PITPNM2: variants seen among roughly 807,000 people sequenced by gnomAD.
The protein encoded by PITPNM2 is membrane-associated phosphatidylinositol transfer protein 2.
A neutral mutation model predicts 132.2 loss-of-function variants in PITPNM2; 35 were observed. That is an observed-to-expected ratio of 0.26 (90% confidence interval 0.20 to 0.35). The LOEUF (loss-of-function observed/expected upper bound fraction) is 0.35. Among genes scored for constraint, PITPNM2 ranks in the 10% least tolerant of loss-of-function variants. The pLI is 1.00. For synonymous variants in PITPNM2, 738 were observed against 799.2 expected (o/e 0.92, Z 1.29); for missense variants, 1,332 against 1,912.0 (o/e 0.70, Z 5.66).
chr12:123,035,555 A>G (rs1392452998), intron 2 of PITPNM2, among the ~76,000 whole-genome samples: 1 of 151,990 alleles, frequency 6.6e-6, no homozygotes, highest in Non-Finnish European at 1.5e-5. Context: ...GGTCCCAACT[A>G]CTTGGGAGGC....
chr12:123,014,796 A>G (rs2039359577), intron 3 of PITPNM2, among the ~76,000 whole-genome samples: 1 of 152,250 alleles, frequency 6.6e-6, no homozygotes, highest in Admixed American at 6.5e-5. Context: ...TCCTGATGCC[A>G]TAATCTTATA....
chr12:123,057,971 G>A (rs887855149), intron 2 of PITPNM2, among the ~76,000 whole-genome samples: 3 of 152,164 alleles, frequency 2.0e-5, no homozygotes, highest in South Asian at 2.1e-4. Flanking sequence ...CGTGCCAGCT[G>A]GGCCCCAAGT....
At position 122,986,244 on chromosome 12, in the gene PITPNM2, A is replaced by G; in HGVS notation, c.3833T>C (p.Phe1278Ser). 6.3e-7 allele frequency: 1 copy of G among 1,577,716 alleles called. No homozygotes were observed. Among genetic ancestry groups the G allele is most frequent in the Non-Finnish European group, 8.6e-7 (1 of 1,166,656 alleles). ...ATRMALRKGSFGLPGQGDFLR... is the reference protein window; with the variant it reads ...ATRMALRKGSSGLPGQGDFLR... ...AAAGTCGCCCTGGCCGGGCAGGCCGAAGCTGCCCTTGCGCAGCGCCATGCG... is the reference window on the plus strand; with the variant it reads ...AAAGTCGCCCTGGCCGGGCAGGCCGGAGCTGCCCTTGCGCAGCGCCATGCG... The change falls in exon 26 of 26, where the codon TTC becomes TCC. Residue 1278 changes from phenylalanine (F) to serine (S), a missense_variant. Phe to Ser is a radical substitution (Grantham distance 155). Around this residue, in one of 6 missense-constraint regions of PITPNM2, gnomAD observed 163 missense variants for 177.2 expected, o/e 0.92. Transcript: ENST00000320201.
At chr12:123,056,032 G>A (rs1364394572) in intron 2 of PITPNM2, among the ~76,000 whole-genome samples, 1 of 152,162 alleles carries the variant, frequency 6.6e-6, no homozygotes, top group Non-Finnish European at 1.5e-5. Context: ...TCTTTCCTGT[G>A]GTGTTAATCT....
At chr12:123,040,208 T>C (rs2040416316) in intron 2 of PITPNM2, among the ~76,000 whole-genome samples, 1 of 152,132 alleles carries the variant, frequency 6.6e-6, no homozygotes, top group South Asian at 2.1e-4. Flanking sequence ...GAAAATAGAT[T>C]AGAGGTCACC....
intron 2 of PITPNM2, among the ~76,000 whole-genome samples, chr12:123,035,484 G>T (rs982540354): frequency 6.6e-6 from 1 of 152,078 alleles, no homozygotes; most frequent in African/African-American, 2.4e-5. Flanking sequence ...TGGCCAACAT[G>T]GTGAAACCCC....
intron 1 of PITPNM2, among the ~76,000 whole-genome samples, chr12:123,134,283 G>T (rs575812116): frequency 6.6e-6 from 1 of 152,106 alleles, no homozygotes; most frequent in Non-Finnish European, 1.5e-5. Flanking sequence ...CAAGATGGTC[G>T]CGATCTTCTG....
intron 1 of PITPNM2, among the ~76,000 whole-genome samples, chr12:123,121,487 G>C (rs1324400141): frequency 6.6e-6 from 1 of 151,858 alleles, no homozygotes; most frequent in Non-Finnish European, 1.5e-5. Context: ...ACCTTTTTTT[G>C]TGTTTGTGGT....
chr12:123,042,131 G>A (rs2040503889), intron 2 of PITPNM2, among the ~76,000 whole-genome samples: 1 of 151,822 alleles, frequency 6.6e-6, no homozygotes, highest in Admixed American at 6.6e-5. Context: ...GTCACCCAAA[G>A]AATCAAGGGC....
chr12:123,083,337 C>A lies in PITPNM2; in HGVS notation c.-96+27048G>T, dbSNP rs1291231890. ...TGAATAGAATTTCTAAATATACAAA[C>A]GGATGAACCAATGGATGGATGGATG... On this transcript the variant is annotated intron_variant, in intron 2 of 25. Coordinates refer to ENST00000320201, the MANE Select transcript of PITPNM2 (RefSeq NM_020845.3). This position sits in a 1 kb window ranked among gnomAD's most constrained non-coding sequence, Gnocchi z 4.5. 6.6e-6 allele frequency: 1 copy of A among 152,236 alleles called. No individual in the cohort carries two copies. Among genetic ancestry groups the A allele is most frequent in the African/African-American group, 2.4e-5 (1 of 41,442 alleles). The allele number at this position is 152,236 out of a possible 1,614,324, so 9.4% of individuals were successfully genotyped here.
rs1482125038 is a variant in PITPNM2 at position 123,106,779 on chromosome 12, GAGGGCACTC to G, written c.-96+3597_-96+3605del. Among the ~76,000 whole-genome samples the G allele has an allele frequency of 6.6e-6, 1 of 152,236 alleles. No homozygotes were observed. The highest frequency in any genetic ancestry group is 1.5e-5 in the Non-Finnish European group (1 of 68,050). ...GGGCAGCATCTTTGCTCCAGGGCATGAGGGCACTCAGCCCTCTACTTCCTCTCCATAACC... is the reference window on the plus strand; with the variant it reads ...GGGCAGCATCTTTGCTCCAGGGCATGAGCCCTCTACTTCCTCTCCATAACC... On this transcript the variant is annotated intron_variant, in intron 2 of 25. Transcript: ENST00000320201. The surrounding 1 kb of genome is among the most constrained non-coding windows in gnomAD (Gnocchi z 4.4).
chr12:123,126,449 C>G (rs2043143383), intron 1 of PITPNM2, among the ~76,000 whole-genome samples: 1 of 152,206 alleles, frequency 6.6e-6, no homozygotes, highest in Admixed American at 6.5e-5. Context: ...AGGCGAAAAG[C>G]TGTCACAAAG....
Position 123,012,736 on chromosome 12 carries a change from T to C in PITPNM2, c.294-2A>G. ...TTCTCCACGAAAGGACAGGTGAACC[T>C]GTGCGGAAAGGAAAGCACTCATCAG... On this transcript the variant is annotated splice_acceptor_variant, in intron 4 of 25. Transcript: ENST00000320201. LOFTEE classifies it high-confidence loss of function. 6.2e-7 allele frequency: 1 copy of C among 1,613,990 alleles called. No homozygotes were observed. Among genetic ancestry groups the C allele is most frequent in the Non-Finnish European group, 8.5e-7 (1 of 1,179,882 alleles).
chr12:122,995,324 G>A, intron 14 of PITPNM2, 65 bp downstream of exon 14: 9 of 1,521,348 alleles, frequency 5.9e-6, no homozygotes, highest in Non-Finnish European at 7.9e-6. Context: ...CACAGGGGAT[G>A]TTCCTCCCTC....
intron 2 of PITPNM2, chr12:123,081,501 G>C (rs1275288742): frequency 1.3e-5 from 2 of 152,304 alleles, no homozygotes; most frequent in Non-Finnish European, 1.5e-5. Context: ...CTGTGGAGCT[G>C]GGCACTCAGG....
intron 2 of PITPNM2, among the ~76,000 whole-genome samples, chr12:123,042,240 CAGAA>C (rs1292263557): frequency 6.6e-6 from 1 of 151,682 alleles, no homozygotes; most frequent in African/African-American, 2.4e-5. Flanking sequence ...AAAAGTGACA[CAGAA>C]AGAGCTTCAG....
chr12:122,987,580 C>T lies in PITPNM2; in HGVS notation c.3194G>A (p.Arg1065His), dbSNP rs1378844833. The T allele has an allele frequency of 2.5e-6, 4 of 1,613,956 alleles. No homozygotes were observed. The highest frequency in any genetic ancestry group is 2.2e-5 in the East Asian group (1 of 44,884). The change falls in exon 22 of 26, where the codon CGT becomes CAT. Residue 1065 changes from arginine (R) to histidine (H), a missense_variant. By Grantham distance (29) the Arg-to-His change is conservative. This residue lies in a region of PITPNM2 where 251 missense variants were observed against 472.0 expected (regional missense o/e 0.53). Transcript: ENST00000320201. Reference protein sequence around the residue: ...LDTLVTNNSGRVSYTIPESHR... With the variant: ...LDTLVTNNSGHVSYTIPESHR... ...CGACTCAGGGATGGTGTAGGAGACA[C>T]GCCCACTGTTGTTGGTCACCAGCGT... is the stretch of plus-strand genomic sequence containing the variant.
chr12:122,990,048 G>T, intron 17 of PITPNM2, 100 bp from the exon 18 acceptor site: 1 of 1,036,502 alleles, frequency 9.6e-7, no homozygotes, highest in Non-Finnish European at 1.3e-6. Flanking sequence ...GCCAGGCCTG[G>T]AGCTATCAAG....
chr12:123,107,204 T>C (rs908365790), intron 2 of PITPNM2, among the ~76,000 whole-genome samples: 6 of 152,214 alleles, frequency 3.9e-5, no homozygotes, highest in African/African-American at 1.4e-4. Flanking sequence ...TGCCCCTCCC[T>C]GCCTGAGCCA....
Sources: allele counts gnomAD v4.1 joint callset (sites outside exome capture counted in the v4.1 genomes callset), GRCh38; gene constraint gnomAD v4.1.1; regional missense constraint gnomAD v4.1.1; non-coding constraint Gnocchi (gnomAD v3.1); transcripts MANE v1.5; gene names NCBI Gene and HGNC (gene_info 2026-07-23, HGNC 2026-07-21).